The following SRP19 variants were observed in gnomAD, a reference collection of about 807,000 sequenced individuals.
SRP19 encodes signal recognition particle 19 kDa protein.
Under a neutral mutation model 22.4 loss-of-function variants are expected in SRP19, and 11 were observed. That is an observed-to-expected ratio of 0.49 (90% CI 0.31 to 0.81). The LOEUF (loss-of-function observed/expected upper bound fraction) is 0.81. Ranked by LOEUF, SRP19 falls within the 40% of genes least tolerant of loss-of-function variation. The pLI is 0.05. For missense variants in SRP19, 168 were observed against 175.9 expected (o/e 0.96, Z 0.25); for synonymous variants, 61 against 57.6 (o/e 1.06, Z -0.27).
At chr5:112,892,109 C>T (rs1251104998) in exon 5 of SRP19, 2 of 1,613,944 alleles carry the variant, frequency 1.2e-6, no homozygotes, top group South Asian at 2.2e-5. Context: ...AATAGTACCA[C>T]ATGGCAAAAC....
intron 4 of SRP19, among the ~76,000 whole-genome samples, chr5:112,890,156 T>C (rs1768390631): frequency 6.7e-6 from 1 of 150,130 alleles, no homozygotes; most frequent in Non-Finnish European, 1.5e-5. Flanking sequence ...TTAGCCAGGC[T>C]TGGTGATGTA....
chr5:112,866,017 C>G (rs1767591933), intron 4 of SRP19, among the ~76,000 whole-genome samples: 1 of 152,190 alleles, frequency 6.6e-6, no homozygotes. Context: ...CCACCATGCC[C>G]AGCCTGCATG....
intron 4 of SRP19, among the ~76,000 whole-genome samples, chr5:112,866,550 A>G (rs1436037467): frequency 6.6e-6 from 1 of 151,466 alleles, no homozygotes; most frequent in Non-Finnish European, 1.5e-5. Context: ...AGCCAGTCTC[A>G]AACTCGTGGA....
rs1350834003 is a variant in SRP19, at chr5:112,868,024, C to G, written c.*487C>G. ...AAACTAGAAGAAACTGTGGTAGGTC[C>G]TTTTGTGGGTGGGGGACAGGGGAGT... is the stretch of plus-strand genomic sequence containing the variant. On this transcript the variant is annotated 3_prime_UTR_variant, in exon 5 of 5. Coordinates refer to ENST00000505459, the MANE Select transcript of SRP19 (RefSeq NM_003135.3). 1.0e-6 allele frequency: 1 copy of G among 985,902 alleles called. No homozygotes were observed. Among genetic ancestry groups the G allele is most frequent in the East Asian group, 1.1e-4 (1 of 8,828 alleles). The allele number at this position is 985,902 out of a possible 1,614,324, so 61.1% of individuals were successfully genotyped here. A position where few individuals can be genotyped will look rare whatever the true frequency, so the allele number is the denominator to read the frequency against.
In SRP19 at chr5:112,884,500, C is replaced by A. The variant is rs1014728882; in HGVS notation, c.302-7103C>A. Among the ~76,000 whole-genome samples, 6 of 151,140 alleles carry A rather than the reference C, an allele frequency of 4.0e-5. No individual in the cohort carries two copies. The East Asian group carries it at 9.7e-4, about 24-fold the overall frequency. ...CCAAGTGATCCTCCTGCCTCAGCCT[C>A]CTGAGTAGCTGGCACCACAGGCTTG... On this transcript the variant is annotated intron_variant, in intron 4 of 4. Coordinates refer to the SRP19 transcript ENST00000391338.
rs1269579283 is a variant in SRP19, at chr5:112,868,084, A to G, written c.*547A>G. Reference sequence around the variant, plus strand: ...GCCAGTCTGTAGATGATATTTTAATATATTATTGTAATCGAATCGTTCAGT... The same window carrying G: ...GCCAGTCTGTAGATGATATTTTAATGTATTATTGTAATCGAATCGTTCAGT... On this transcript the variant is annotated 3_prime_UTR_variant, in exon 5 of 5. Coordinates refer to ENST00000505459, the MANE Select transcript of SRP19 (RefSeq NM_003135.3). 1 of 985,284 alleles carries G rather than the reference A, an allele frequency of 1.0e-6. No homozygotes were observed. The highest frequency in any genetic ancestry group is 1.2e-6 in the Non-Finnish European group (1 of 829,916). 61.0% of individuals were successfully genotyped at this position (985,284 alleles called of 1,614,324 possible).
chr5:112,874,630 C>G (rs148344597), downstream of SRP19, among the ~76,000 whole-genome samples: 1 of 152,238 alleles, frequency 6.6e-6, no homozygotes, highest in East Asian at 1.9e-4. Context: ...AGTGCAGTTC[C>G]TGGACCCAAC....
intron 2 of SRP19, 57 bp from the exon 3 acceptor site, chr5:112,864,400 T>A: frequency 7.0e-7 from 1 of 1,424,504 alleles, no homozygotes; most frequent in Non-Finnish European, 9.9e-7. Flanking sequence ...TACCCAACAC[T>A]ATGGCAGTGT....
At chr5:112,873,275 T>TC (rs1263351192), downstream of SRP19, among the ~76,000 whole-genome samples, 2 of 146,256 alleles carry the variant, frequency 1.4e-5, no homozygotes, top group Non-Finnish European at 3.0e-5. Context: ...GGTTTTCTTT[T>TC]TTTTTTTTTT....
chr5:112,867,238 G>T, intron 4 of SRP19, 166 bp from the exon 5 acceptor site: 1 of 676,390 alleles, frequency 1.5e-6, no homozygotes, highest in Non-Finnish European at 2.3e-6. Flanking sequence ...CATTTCCCCC[G>T]ACTTGAGCTA....
chr5:112,865,044 C>A, intron 4 of SRP19: 1 of 199,058 alleles, frequency 5.0e-6, no homozygotes, highest in Non-Finnish European at 1.0e-5. Flanking sequence ...ATGTTAATTG[C>A]CATTTCAGAT....
chr5:112,880,400 T>C (rs1011079098), intron 4 of SRP19, among the ~76,000 whole-genome samples: 1 of 152,208 alleles, frequency 6.6e-6, no homozygotes, highest in Non-Finnish European at 1.5e-5. Context: ...CAGGGCCCAC[T>C]GTGAGATTTT....
chr5:112,877,452 G>A (rs1241934896), intron 4 of SRP19: 3 of 152,096 alleles, frequency 2.0e-5, no homozygotes, highest in African/African-American at 4.8e-5. Context: ...TCTCTATAAC[G>A]ATTTGGCAGA....
chr5:112,878,974 T>C, intron 4 of SRP19: 1 of 1,376,574 alleles, frequency 7.3e-7, no homozygotes, highest in Non-Finnish European at 1.0e-6. Flanking sequence ...ATGTTGGGGT[T>C]TGTGGTCTGG....
At chr5:112,895,423 T>A (rs895588653), downstream of SRP19, 3 of 152,146 alleles carry the variant, frequency 2.0e-5, no homozygotes, top group Non-Finnish European at 2.9e-5. Flanking sequence ...GGAAAATCTC[T>A]GAAATATTAC....
At chr5:112,892,015 G>A (rs1449328035) in exon 5 of SRP19, 1 of 1,310,334 alleles carries the variant, frequency 7.6e-7, no homozygotes, top group Admixed American at 1.7e-5. Context: ...AGAGAGAGAA[G>A]AGGAGGAGCA....
At chr5:112,866,121 T>C (rs1461810515) in intron 4 of SRP19, among the ~76,000 whole-genome samples, 2 of 151,712 alleles carry the variant, frequency 1.3e-5, no homozygotes, top group Non-Finnish European at 2.9e-5. Flanking sequence ...TTTTTCTTTT[T>C]TTTTTTTTTT....
chr5:112,868,338 G>C lies in SRP19; in HGVS notation c.*801G>C. On this transcript the variant is annotated 3_prime_UTR_variant, in exon 5 of 5. Transcript: ENST00000505459. The stretch of plus-strand genomic sequence containing the variant: ...CCTGTTCTTCCTGAGGCCTGGTTTA[G>C]CTCTTCCTTGAATTCTGCAAGCTAT... The C allele has an allele frequency of 2.0e-6, 2 of 987,392 alleles. No individual in the cohort carries two copies. Among genetic ancestry groups the C allele is most frequent in the Non-Finnish European group, 2.4e-6 (2 of 831,220 alleles). The allele number at this position is 987,392 out of a possible 1,614,324, so 61.2% of individuals were successfully genotyped here.
intron 4 of SRP19, chr5:112,886,880 T>TA (rs1245355892): frequency 1.7e-6 from 1 of 605,402 alleles, no homozygotes; most frequent in Non-Finnish European, 2.8e-6. Flanking sequence ...AAAGACTTTG[T>TA]AAAGAAATCC....
Sources: gnomAD v4.1 joint callset for allele counts (sites outside exome capture counted in the v4.1 genomes callset) on GRCh38, gnomAD v4.1.1 for gene constraint, MANE v1.5 for transcripts, NCBI Gene and HGNC (gene_info 2026-07-23, HGNC 2026-07-21) for gene names.